NRG1: variants seen among roughly 807,000 people sequenced by gnomAD.
NRG1 encodes the protein neuregulin 1.
Under a neutral mutation model 63.8 loss-of-function variants are expected in NRG1, and 18 were observed. That is an observed-to-expected ratio of 0.28 (90% CI 0.19 to 0.42). The LOEUF is 0.42. Ranked by LOEUF, NRG1 falls within the 10% of genes least tolerant of loss-of-function variation. The pLI is 1.00. For missense variants in NRG1, 762 were observed against 814.7 expected (o/e 0.94, Z 0.79); for synonymous variants, 302 against 301.3 (o/e 1.00, Z -0.02).
chr8:32,764,278 A>G, exon 12 of NRG1: 1 of 1,614,098 alleles, frequency 6.2e-7, no homozygotes, highest in Non-Finnish European at 8.5e-7. Flanking sequence ...GCCAGTCTTG[A>G]GGCAACACCT....
chr8:32,259,416 C>T (rs1203422544), intron 1 of NRG1, among the ~76,000 whole-genome samples: 2 of 152,146 alleles, frequency 1.3e-5, no homozygotes, highest in Non-Finnish European at 2.9e-5. Flanking sequence ...CCCCCGTCCA[C>T]TCCATCTTCA....
At chr8:32,001,347 GCA>G (rs1812898850) in intron 1 of NRG1, among the ~76,000 whole-genome samples, 1 of 152,000 alleles carries the variant, frequency 6.6e-6, no homozygotes, top group Admixed American at 6.6e-5. Context: ...GAGTTCCCCT[GCA>G]CATGCTCTCT....
intron 1 of NRG1, among the ~76,000 whole-genome samples, chr8:31,825,981 C>T (rs1824510969): frequency 6.6e-6 from 1 of 152,146 alleles, no homozygotes; most frequent in Non-Finnish European, 1.5e-5. Flanking sequence ...TCATGCTTTC[C>T]ACCTAAACCC....
chr8:32,348,750 T>C (rs1469066739), intron 1 of NRG1, among the ~76,000 whole-genome samples: 1 of 152,184 alleles, frequency 6.6e-6, no homozygotes, highest in Non-Finnish European at 1.5e-5. Context: ...CCATTATCTA[T>C]AACATATATT....
chr8:32,210,209 T>C (rs559204559), intron 1 of NRG1, among the ~76,000 whole-genome samples: 6 of 152,308 alleles, frequency 3.9e-5, no homozygotes, highest in African/African-American at 1.4e-4. Context: ...TTTTTTGTGT[T>C]TGTTTTTTGT....
chr8:32,331,844 G>A (rs1228872239), intron 1 of NRG1, among the ~76,000 whole-genome samples: 4 of 152,148 alleles, frequency 2.6e-5, no homozygotes, highest in Admixed American at 2.6e-4. Flanking sequence ...TTACACACGT[G>A]TCTGGGCTTT....
At chr8:31,943,531 G>GAAATAAATAAAT (rs55983255) in intron 1 of NRG1, among the ~76,000 whole-genome samples, 1,596 of 148,644 alleles carry the variant, frequency 0.011, 33 homozygotes, top group African/African-American at 0.037. Context: ...AAAACCTATT[G>GAAATAAATAAAT]AAATAAATAA....
intron 10 of NRG1, 40 bp downstream of exon 10, chr8:32,759,476 T>G: frequency 3.7e-6 from 6 of 1,604,892 alleles, no homozygotes; most frequent in Non-Finnish European, 5.1e-6. Context: ...TCTCTCAGAA[T>G]GAATTGTTGC....
chr8:32,510,982 G>T (rs1211435873), intron 1 of NRG1, among the ~76,000 whole-genome samples: 5 of 138,784 alleles, frequency 3.6e-5, no homozygotes, highest in Admixed American at 7.3e-5. Context: ...CTGAAGCAGG[G>T]TCTCCCTATT....
intron 1 of NRG1, among the ~76,000 whole-genome samples, chr8:32,185,441 G>A (rs1480622560): frequency 1.3e-5 from 2 of 152,164 alleles, no homozygotes; most frequent in African/African-American, 4.8e-5. Flanking sequence ...TCTCAAACTA[G>A]GTTCTAGTGG....
chr8:32,123,469 G>A (rs1486731750), intron 1 of NRG1, among the ~76,000 whole-genome samples: 1 of 151,752 alleles, frequency 6.6e-6, no homozygotes, highest in Non-Finnish European at 1.5e-5. Flanking sequence ...ATGTAGAACT[G>A]TGAGTCAATT....
At chr8:31,952,861 T>C (rs1803697978) in intron 1 of NRG1, among the ~76,000 whole-genome samples, 1 of 152,238 alleles carries the variant, frequency 6.6e-6, no homozygotes, top group South Asian at 2.1e-4. Context: ...CATTTGTTGA[T>C]TCATAAAGTC....
chr8:31,902,374 C>G (rs2129615488), intron 1 of NRG1, among the ~76,000 whole-genome samples: 1 of 152,274 alleles, frequency 6.6e-6, no homozygotes, highest in African/African-American at 2.4e-5. Context: ...ATTTATTAAT[C>G]ACCTGAGATT....
rs149496325 is a variant in NRG1 at position 32,576,712 on chromosome 8, C to T, written c.101-19116C>T. Reference sequence around the variant, plus strand: ...TAACCACCTGTATGAGAATCGCCTGCGATGCTTTTGTTTAAAAGGCAGATT... The same window carrying T: ...TAACCACCTGTATGAGAATCGCCTGTGATGCTTTTGTTTAAAAGGCAGATT... On this transcript the variant is annotated intron_variant, in intron 1 of 11. Transcript: ENST00000356819. 1.5e-3 allele frequency among the ~76,000 whole-genome samples: 225 copies of T among 151,936 alleles called. 3 individuals carry two copies. The East Asian group carries it at 0.043, about 29-fold the overall frequency.
chr8:32,374,408 G>T (rs551241732), intron 1 of NRG1, among the ~76,000 whole-genome samples: 2 of 152,292 alleles, frequency 1.3e-5, no homozygotes, highest in African/African-American at 4.8e-5. Flanking sequence ...TATGGAAAGG[G>T]AGGGAAGAAA....
At chr8:32,304,052 C>G (rs1445103139) in intron 1 of NRG1, among the ~76,000 whole-genome samples, 2 of 152,206 alleles carry the variant, frequency 1.3e-5, no homozygotes, top group Non-Finnish European at 2.9e-5. Flanking sequence ...TCAGGATTCA[C>G]TTTTTCTCTC....
At chr8:32,344,348 TTC>T (rs1357536888) in intron 1 of NRG1, among the ~76,000 whole-genome samples, 1 of 72,364 alleles carries the variant, frequency 1.4e-5, no homozygotes, top group Non-Finnish European at 2.9e-5. Context: ...CTTTCTTTCT[TTC>T]TTTCTTTCTT....
chr8:31,699,562 G>A (rs1434926988), intron 1 of NRG1, among the ~76,000 whole-genome samples: 1 of 152,114 alleles, frequency 6.6e-6, no homozygotes, highest in Non-Finnish European at 1.5e-5. Flanking sequence ...CCACTATAAA[G>A]TGTGGTGTTT....
intron 1 of NRG1, among the ~76,000 whole-genome samples, chr8:31,834,114 A>G (rs1825435720): frequency 6.6e-6 from 1 of 152,134 alleles, no homozygotes; most frequent in African/African-American, 2.4e-5. Context: ...CTGCCCTATC[A>G]ATAATTTTAC....
Sources: allele counts gnomAD v4.1 joint callset (sites outside exome capture counted in the v4.1 genomes callset), GRCh38; gene constraint gnomAD v4.1.1; transcripts MANE v1.5; gene names NCBI Gene and HGNC (gene_info 2026-07-23, HGNC 2026-07-21).